Variants in MFHAS1 observed in about 807,000 individuals in gnomAD.
The protein encoded by MFHAS1 is multifunctional ROCO family signaling regulator 1, also known as malignant fibrous histiocytoma-amplified sequence 1.
A neutral mutation model predicts 70.4 loss-of-function variants in MFHAS1; 50 were observed. The ratio of observed to expected loss-of-function variants is 0.71; its 90% CI spans 0.57 to 0.90. The LOEUF is 0.90. Among genes scored for constraint, MFHAS1 ranks in the 40% least tolerant of loss-of-function variants. The pLI, the probability that MFHAS1 is intolerant of heterozygous loss-of-function variation, is 0.00. For synonymous variants in MFHAS1, 952 were observed against 620.0 expected, an observed-to-expected ratio of 1.54 and a Z score of -7.96; for missense variants, 1,795 against 1,347.6, an observed-to-expected ratio of 1.33 and a Z score of -5.20.
At chr8:8,805,991 T>G (rs1806275541) in intron 1 of MFHAS1, among the ~76,000 whole-genome samples, 1 of 152,068 alleles carries the variant, frequency 6.6e-6, no homozygotes, top group African/African-American at 2.4e-5. Flanking sequence ...TGAGCCACTG[T>G]GCCTGGCCGT....
intron 1 of MFHAS1, among the ~76,000 whole-genome samples, chr8:8,799,268 G>C (rs999323075): frequency 6.6e-6 from 1 of 152,032 alleles, no homozygotes; most frequent in Non-Finnish European, 1.5e-5. Context: ...CAATAAATAG[G>C]ACAATGATAA....
intron 1 of MFHAS1, among the ~76,000 whole-genome samples, chr8:8,863,714 A>G (rs1808750684): frequency 6.6e-6 from 1 of 152,180 alleles, no homozygotes; most frequent in Non-Finnish European, 1.5e-5. Context: ...GTTTTCACTA[A>G]GAGTCTGGCC....
At chr8:8,788,451 G>C (rs901239756) in intron 2 of MFHAS1, among the ~76,000 whole-genome samples, 1 of 152,254 alleles carries the variant, frequency 6.6e-6, no homozygotes, top group Non-Finnish European at 1.5e-5. Flanking sequence ...GGCTGAGGCA[G>C]GCAGATCACC....
In MFHAS1 at chr8:8,890,389, A is replaced by C; in HGVS notation, c.2670T>G (p.Phe890Leu). Residue 890 changes from phenylalanine (F) to leucine (L), a missense_variant, in exon 1 of 3, where the codon TTT becomes TTG. Coordinates refer to ENST00000276282, the MANE Select transcript of MFHAS1 (RefSeq NM_004225.3). ...TGTAGCGTGCAAACAACCCAAGTGG[A>C]AAAGTAAAAGGAAAGCTATATTCAA... is the stretch of plus-strand genomic sequence containing the variant. Reference protein sequence around the residue: ...LQIEYSFPFTFPLGLFARYSV... With the variant: ...LQIEYSFPFTLPLGLFARYSV... The C allele has an allele frequency of 6.2e-7, 1 of 1,614,032 alleles. No individual in the cohort carries two copies. Among genetic ancestry groups the C allele is most frequent in the Non-Finnish European group, 8.5e-7 (1 of 1,179,948 alleles).
intron 1 of MFHAS1, among the ~76,000 whole-genome samples, chr8:8,832,983 G>C (rs28886957): frequency 0.12 from 17,558 of 152,030 alleles, 1,079 homozygotes; most frequent in Middle Eastern, 0.16. Flanking sequence ...TGTACAAAAA[G>C]CACGGAAGCA....
At chr8:8,797,308 C>G in intron 2 of MFHAS1, 57 bp downstream of exon 2, 1 of 1,599,300 alleles carries the variant, frequency 6.3e-7, no homozygotes, top group East Asian at 2.2e-5. Flanking sequence ...GTGGTCATAT[C>G]TATGGAGCTG....
At chr8:8,849,380 C>T (rs1224370441) in intron 1 of MFHAS1, among the ~76,000 whole-genome samples, 4 of 152,154 alleles carry the variant, frequency 2.6e-5, no homozygotes, top group Admixed American at 1.3e-4. Flanking sequence ...CGCACCCAGC[C>T]TTGTAGCAAG....
At chr8:8,881,770 T>C (rs1183076573) in intron 1 of MFHAS1, among the ~76,000 whole-genome samples, 1 of 150,026 alleles carries the variant, frequency 6.7e-6, no homozygotes, top group African/African-American at 2.5e-5. Context: ...GGCAGGAGAA[T>C]TGAGCCACTG....
chr8:8,861,063 T>C (rs1334835000), intron 1 of MFHAS1, among the ~76,000 whole-genome samples: 2 of 152,228 alleles, frequency 1.3e-5, no homozygotes, highest in Non-Finnish European at 2.9e-5. Context: ...ACTTAACGTT[T>C]CTTGGGCTGA....
At chr8:8,835,261 T>C (rs928062769) in intron 1 of MFHAS1, among the ~76,000 whole-genome samples, 21 of 152,156 alleles carry the variant, frequency 1.4e-4, no homozygotes, top group African/African-American at 5.1e-4. Flanking sequence ...CTTAAAAAAA[T>C]AGGTGCATTT....
intron 1 of MFHAS1, among the ~76,000 whole-genome samples, chr8:8,844,898 T>C (rs903036029): frequency 6.6e-6 from 1 of 152,168 alleles, no homozygotes; most frequent in Non-Finnish European, 1.5e-5. Flanking sequence ...GTTGTTGCTG[T>C]ATTTTCAAGA....
chr8:8,863,299 C>A (rs1252694757), intron 1 of MFHAS1, among the ~76,000 whole-genome samples: 1 of 152,180 alleles, frequency 6.6e-6, no homozygotes, highest in Non-Finnish European at 1.5e-5. Context: ...AATTTAATAA[C>A]TGTGGGACAA....
chr8:8,893,092 G>A lies in MFHAS1; in HGVS notation c.-34C>T. The stretch of plus-strand genomic sequence containing the variant: ...CCCGGGCCGACAGCCTCACGCGGAC[G>A]CGGGAGCCCGCAGCTACATGCCGCG... On this transcript the variant is annotated 5_prime_UTR_variant, in exon 1 of 3. Transcript: ENST00000276282. 1 of 1,405,368 alleles carries A rather than the reference G, an allele frequency of 7.1e-7. No individual in the cohort carries two copies. The highest frequency in any genetic ancestry group is 9.3e-7 in the Non-Finnish European group (1 of 1,078,964). The allele number at this position is 1,405,368 out of a possible 1,614,324, so 87.1% of individuals were successfully genotyped here.
chr8:8,819,608 C>CAA (rs201326485), intron 1 of MFHAS1, among the ~76,000 whole-genome samples: 7,871 of 91,192 alleles, frequency 0.086, 553 homozygotes, highest in African/African-American at 0.23. Context: ...CAACTCAAAA[C>CAA]AAAAAAAAAA....
At chr8:8,846,294 GATAAGAA>G (rs1808033238) in intron 1 of MFHAS1, among the ~76,000 whole-genome samples, 1 of 106,740 alleles carries the variant, frequency 9.4e-6, no homozygotes, top group African/African-American at 4.0e-5. Context: ...GGGGGAGGAG[GATAAGAA>G]GGAGGAGGGG....
chr8:8,890,041 T>C lies in MFHAS1; in HGVS notation c.2998+20A>G. ...ATCTTACAGCATACCACAGAAGAAC[T>C]TCTCCCTCTCTCCACTTACCTGGAA... On this transcript the variant is annotated intron_variant, in intron 1 of 2. Coordinates refer to ENST00000276282, the MANE Select transcript of MFHAS1 (RefSeq NM_004225.3). The C allele has an allele frequency of 6.4e-7, 1 of 1,553,026 alleles. No individual in the cohort carries two copies.
At position 8,882,389 on chromosome 8, in the gene MFHAS1, AAAACAAAC is replaced by A. The variant is rs373389563; in HGVS notation, c.2998+7664_2998+7671del. Among the ~76,000 whole-genome samples the A allele has an allele frequency of 3.9e-4, 60 of 151,918 alleles. No individual in the cohort carries two copies. The South Asian group carries it at 6.9e-3, about 17-fold the overall frequency. ...TGGAGACAGAGCGAGACTCAGTCTC[AAAACAAAC>A]AAACAAACAAACAAACAAAATATCA... On this transcript the variant is annotated intron_variant, in intron 1 of 2. Transcript: ENST00000276282.
At chr8:8,810,177 G>A (rs1025066316) in intron 1 of MFHAS1, among the ~76,000 whole-genome samples, 1 of 152,178 alleles carries the variant, frequency 6.6e-6, no homozygotes, top group Non-Finnish European at 1.5e-5. Context: ...GACCAGCCTG[G>A]CCGACATGGT....
intron 1 of MFHAS1, among the ~76,000 whole-genome samples, chr8:8,825,837 T>G (rs1009431479): frequency 6.6e-6 from 1 of 152,184 alleles, no homozygotes; most frequent in East Asian, 1.9e-4. Flanking sequence ...CTGGATGTCT[T>G]TTCTTGCTAA....
Sources: gnomAD v4.1 joint callset for allele counts (sites outside exome capture counted in the v4.1 genomes callset) on GRCh38, gnomAD v4.1.1 for gene constraint, MANE v1.5 for transcripts, NCBI Gene and HGNC (gene_info 2026-07-23, HGNC 2026-07-21) for gene names.